KCNIP4: variants seen among roughly 807,000 people sequenced by gnomAD.
KCNIP4 encodes the protein potassium voltage-gated channel interacting protein 4, also known as Kv channel-interacting protein 4.
KCNIP4 carries 12 observed loss-of-function variants against 34.0 expected under a neutral mutation model. The ratio of observed to expected loss-of-function variants is 0.35; its 90% CI spans 0.23 to 0.57. KCNIP4 has a LOEUF of 0.57. KCNIP4 is among the 20% of genes least tolerant of loss of function. KCNIP4 has a pLI of 0.83. For missense variants in KCNIP4, 238 were observed against 311.7 expected (o/e 0.76, Z 1.78); for synonymous variants, 124 against 102.2 (o/e 1.21, Z -1.29).
chr4:21,183,844 T>C (rs116771492), intron 1 of KCNIP4, among the ~76,000 whole-genome samples: 5,817 of 152,234 alleles, frequency 0.038, 143 homozygotes, highest in South Asian at 0.065. Context: ...TTCTCTCTTA[T>C]GTAGATCTTA....
chr4:20,801,288 C>CAA (rs34342812), intron 3 of KCNIP4, among the ~76,000 whole-genome samples: 5,726 of 106,346 alleles, frequency 0.054, 154 homozygotes, highest in South Asian at 0.2. Flanking sequence ...GGAAGTTTTT[C>CAA]AAAAAAAAAA....
At chr4:21,844,776 A>G (rs1005141119) in intron 1 of KCNIP4, 7 of 152,044 alleles carry the variant, frequency 4.6e-5, no homozygotes, top group African/African-American at 1.7e-4. Flanking sequence ...AAGTCATTCT[A>G]TTATTAAATA....
rs114093663 is a variant in KCNIP4 at position 21,734,011 on chromosome 4, A to G, written c.61+214560T>C. 3.6e-3 allele frequency among the ~76,000 whole-genome samples: 548 copies of G among 152,268 alleles called. 3 individuals are homozygous for G. Among genetic ancestry groups the G allele is most frequent in the African/African-American group, 0.012 (518 of 41,564 alleles). On this transcript the variant is annotated intron_variant, in intron 1 of 8. Transcript: ENST00000382152. ...ATGACTTAAGTAATAAGTGTCAGAC[A>G]CTATCAGAGACTGGGGCTGTGACAT...
chr4:21,897,321 C>T (rs941666830), intron 1 of KCNIP4, among the ~76,000 whole-genome samples: 3 of 152,074 alleles, frequency 2.0e-5, no homozygotes. Flanking sequence ...AACAGCATGC[C>T]TTTAAAAGCA....
intron 1 of KCNIP4, among the ~76,000 whole-genome samples, chr4:21,875,644 G>A (rs760498833): frequency 6.6e-6 from 1 of 152,124 alleles, no homozygotes; most frequent in Non-Finnish European, 1.5e-5. Flanking sequence ...CAATGCCTGT[G>A]TTCAGCACTG....
At chr4:20,783,682 A>G (rs1711545247) in intron 3 of KCNIP4, among the ~76,000 whole-genome samples, 1 of 152,220 alleles carries the variant, frequency 6.6e-6, no homozygotes, top group African/African-American at 2.4e-5. Context: ...ACACAGAGCC[A>G]TAGAATATCA....
chr4:21,029,084 A>C (rs1347771423), intron 1 of KCNIP4, among the ~76,000 whole-genome samples: 1 of 152,216 alleles, frequency 6.6e-6, no homozygotes, highest in East Asian at 1.9e-4. Context: ...CATTCTACCA[A>C]GAATAGATTT....
At chr4:21,126,641 A>G (rs896503558) in intron 1 of KCNIP4, among the ~76,000 whole-genome samples, 7 of 149,174 alleles carry the variant, frequency 4.7e-5, no homozygotes, top group Non-Finnish European at 1.0e-4. Context: ...AAGAAAAGAA[A>G]AAAGGTTTTT....
rs542805052 is a variant in KCNIP4 at position 21,227,415 on chromosome 4, C to G, written c.62-344706G>C. Among the ~76,000 whole-genome samples, 26 of 152,244 alleles carry G rather than the reference C, an allele frequency of 1.7e-4. No homozygotes were observed. In the South Asian group the frequency reaches 5.0e-3, roughly 29 times the overall value. On this transcript the variant is annotated intron_variant, in intron 1 of 8. Coordinates refer to ENST00000382152, the MANE Select transcript of KCNIP4 (RefSeq NM_025221.6). Reference sequence around the variant, plus strand: ...CCCACTAACAAGACTGGACTGTGGCCTGAGACTTTGAAGACTTCTAGTTTT... The same window carrying G: ...CCCACTAACAAGACTGGACTGTGGCGTGAGACTTTGAAGACTTCTAGTTTT...
chr4:21,093,812 T>G (rs1370896074), intron 1 of KCNIP4, among the ~76,000 whole-genome samples: 2 of 152,222 alleles, frequency 1.3e-5, no homozygotes, highest in African/African-American at 2.4e-5. Flanking sequence ...GCCAGGCACG[T>G]TGGCTGACGC....
At chr4:20,861,245 G>T (rs1722166083) in intron 2 of KCNIP4, among the ~76,000 whole-genome samples, 1 of 152,162 alleles carries the variant, frequency 6.6e-6, no homozygotes, top group South Asian at 2.1e-4. Context: ...TTTAAACTTT[G>T]ACAATTTTAA....
intron 1 of KCNIP4, chr4:21,303,662 C>T: frequency 3.5e-6 from 2 of 573,822 alleles, no homozygotes; most frequent in Non-Finnish European, 6.0e-6. Context: ...ATTAATCTTT[C>T]CTACCCTGAA....
chr4:21,301,750 T>C (rs1364963780), intron 1 of KCNIP4, among the ~76,000 whole-genome samples: 1 of 152,178 alleles, frequency 6.6e-6, no homozygotes, highest in Non-Finnish European at 1.5e-5. Context: ...TTCTGATCTA[T>C]AGACTTAAAC....
At chr4:20,864,005 T>A (rs1722487491) in intron 2 of KCNIP4, among the ~76,000 whole-genome samples, 1 of 150,256 alleles carries the variant, frequency 6.7e-6, no homozygotes, top group Non-Finnish European at 1.5e-5. Context: ...TATACGTACA[T>A]GTAAATGTGT....
intron 1 of KCNIP4, among the ~76,000 whole-genome samples, chr4:20,981,294 T>TATCCAAG: frequency 6.6e-6 from 1 of 152,222 alleles, no homozygotes; most frequent in Non-Finnish European, 1.5e-5. Context: ...CTGGCTTAGC[T>TATCCAAG]CATTTATATC....
chr4:21,089,838 CT>C (rs773501565), intron 1 of KCNIP4, among the ~76,000 whole-genome samples: 1 of 152,140 alleles, frequency 6.6e-6, no homozygotes, highest in Non-Finnish European at 1.5e-5. Flanking sequence ...CAATACAAAC[CT>C]GATCACCCCA....
intron 1 of KCNIP4, among the ~76,000 whole-genome samples, chr4:21,540,149 T>C (rs2108996263): frequency 6.6e-6 from 1 of 152,236 alleles, no homozygotes; most frequent in East Asian, 1.9e-4. Flanking sequence ...GATTTGAAAA[T>C]CTCAATATTT....
chr4:20,963,843 T>G (rs182621643), intron 1 of KCNIP4, among the ~76,000 whole-genome samples: 63 of 152,138 alleles, frequency 4.1e-4, no homozygotes, highest in African/African-American at 1.4e-3. Flanking sequence ...GGCAAGTTGA[T>G]TCTCTACTCT....
chr4:21,534,645 T>G (rs1737002220), intron 1 of KCNIP4, among the ~76,000 whole-genome samples: 1 of 152,098 alleles, frequency 6.6e-6, no homozygotes, highest in South Asian at 2.1e-4. Context: ...GCCCTTTCCA[T>G]TTTCAGCCCT....
Sources: allele counts gnomAD v4.1 joint callset (sites outside exome capture counted in the v4.1 genomes callset), GRCh38; gene constraint gnomAD v4.1.1; transcripts MANE v1.5; gene names NCBI Gene and HGNC (gene_info 2026-07-23, HGNC 2026-07-21).